The following KLC1 variants were observed in gnomAD, a reference collection of about 807,000 sequenced individuals.
KLC1 encodes kinesin light chain 1, also known as kinesin 2 60/70kDa.
KLC1 carries 30 observed loss-of-function variants against 84.2 expected under a neutral mutation model. The observed-to-expected ratio is 0.36, with a 90% CI of 0.27 to 0.48. The LOEUF (loss-of-function observed/expected upper bound fraction) is 0.48, where lower values mean the gene tolerates loss of function less well. Among genes scored for constraint, KLC1 ranks in the 20% least tolerant of loss-of-function variants. The pLI, the probability that KLC1 is intolerant of heterozygous loss-of-function variation, is 0.99. For synonymous variants in KLC1, 289 were observed against 293.3 expected (o/e 0.99, Z 0.15); for missense variants, 499 against 805.4 (o/e 0.62, Z 4.60).
At chr14:103,684,894 C>T (rs2081654562) in intron 13 of KLC1, 3 of 717,218 alleles carry the variant, frequency 4.2e-6, no homozygotes, top group Non-Finnish European at 7.8e-6. Context: ...ATTTTAGCAT[C>T]CTTTTTCTCA....
intron 6 of KLC1, 66 bp downstream of exon 6, chr14:103,669,664 C>A (rs1043828794): frequency 1.8e-6 from 2 of 1,096,514 alleles, no homozygotes; most frequent in Admixed American, 1.7e-5. Context: ...TTTTATCCAA[C>A]TCATTTTACC....
intron 3 of KLC1, among the ~76,000 whole-genome samples, chr14:103,660,874 C>T (rs1392702436): frequency 1.3e-5 from 2 of 152,120 alleles, no homozygotes; most frequent in Non-Finnish European, 2.9e-5. Flanking sequence ...AAGTACTTTG[C>T]AGATGTCGAT....
At position 103,691,458 on chromosome 14, in the gene KLC1, C is replaced by CTT. The variant is rs71126053; in HGVS notation, c.1782-874_1782-873dup. Among the ~76,000 whole-genome samples the CTT allele has an allele frequency of 6.7e-3, 464 of 68,814 alleles. 66 individuals carry two copies. The highest frequency in any genetic ancestry group is 0.019 in the African/African-American group (292 of 15,434). 45.1% of individuals were successfully genotyped at this position (68,814 alleles called of 152,430 possible). A position where few individuals can be genotyped will look rare whatever the true frequency, so the allele number is the denominator to read the frequency against. ...TACAAGCATGAGCCACCACGCCTGG[C>CTT]TTTTTTTTTTTTTTTTTTTTTTTTT... On this transcript the variant is annotated intron_variant, in intron 14 of 16. Transcript: ENST00000334553.
intron 1 of KLC1, among the ~76,000 whole-genome samples, chr14:103,644,263 T>A: frequency 6.9e-6 from 1 of 144,790 alleles, no homozygotes; most frequent in African/African-American, 2.5e-5. Flanking sequence ...TCTTTCTACG[T>A]GACTTTTTTT....
chr14:103,632,429 C>T (rs1010013851), intron 1 of KLC1, among the ~76,000 whole-genome samples: 8 of 149,804 alleles, frequency 5.3e-5, no homozygotes, highest in African/African-American at 1.7e-4. Context: ...CAAAAAGAGC[C>T]GCTGTCAGCC....
intron 14 of KLC1, among the ~76,000 whole-genome samples, chr14:103,689,107 T>C (rs1434418589): frequency 6.6e-6 from 1 of 152,184 alleles, no homozygotes; most frequent in Non-Finnish European, 1.5e-5. Flanking sequence ...ACACAGCAGC[T>C]CTCAGATCCC....
At chr14:103,645,393 C>G (rs1201075242) in intron 1 of KLC1, among the ~76,000 whole-genome samples, 4 of 152,194 alleles carry the variant, frequency 2.6e-5, no homozygotes, top group Non-Finnish European at 5.9e-5. Context: ...CCCAGGTTCC[C>G]CCTGGTGCTG....
intron 13 of KLC1, among the ~76,000 whole-genome samples, chr14:103,681,625 A>T (rs895839765): frequency 2.0e-5 from 3 of 151,974 alleles, no homozygotes; most frequent in Non-Finnish European, 4.4e-5. Context: ...CACCTGGCTA[A>T]TTTTTTTATT....
At chr14:103,684,323 A>C (rs190810645) in intron 13 of KLC1, among the ~76,000 whole-genome samples, 1 of 152,382 alleles carries the variant, frequency 6.6e-6, no homozygotes, top group South Asian at 2.1e-4. Flanking sequence ...CTGCTCAGGT[A>C]ACCCACCTTT....
intron 13 of KLC1, among the ~76,000 whole-genome samples, chr14:103,681,647 CAG>C (rs2081347941): frequency 6.6e-6 from 1 of 152,112 alleles, no homozygotes; most frequent in South Asian, 2.1e-4. Flanking sequence ...TTAGTAGAGA[CAG>C]GGTTTCACCA....
intron 1 of KLC1, among the ~76,000 whole-genome samples, chr14:103,631,435 A>G (rs1156838205): frequency 2.6e-5 from 4 of 152,152 alleles, no homozygotes; most frequent in Non-Finnish European, 4.4e-5. Flanking sequence ...TCAATGTTGG[A>G]AAAAAGTCAA....
rs1172235349 is a variant in KLC1 at position 103,675,686 on chromosome 14, T to C, written c.1312-3T>C. On this transcript the variant is annotated splice_region_variant and splice_polypyrimidine_tract_variant and intron_variant, in intron 10 of 16. Coordinates refer to ENST00000334553, the MANE Select transcript of KLC1 (RefSeq NM_001394837.1). ...TCATTTGAAATTATTTCTTATAATT[T>C]AGGGAAAGCAAAAGGATGGGACATC... 10 of 1,613,126 alleles carry C rather than the reference T, an allele frequency of 6.2e-6. No individual in the cohort carries two copies. The highest frequency in any genetic ancestry group is 3.3e-5 in the Admixed American group (2 of 59,998).
intron 1 of KLC1, among the ~76,000 whole-genome samples, chr14:103,651,679 A>G (rs1410425256): frequency 6.6e-6 from 1 of 152,114 alleles, no homozygotes; most frequent in Admixed American, 6.6e-5. Flanking sequence ...CTGCTCCTCT[A>G]GCCTTGGTAC....
chr14:103,632,312 G>T (rs941030155), intron 1 of KLC1, among the ~76,000 whole-genome samples: 25 of 152,058 alleles, frequency 1.6e-4, no homozygotes, highest in Non-Finnish European at 2.1e-4. Flanking sequence ...TGTAATTCCA[G>T]CTACTCATGA....
chr14:103,665,355 G>C (rs1246075136), intron 5 of KLC1, among the ~76,000 whole-genome samples: 1 of 151,632 alleles, frequency 6.6e-6, no homozygotes, highest in African/African-American at 2.4e-5. Flanking sequence ...ACCACGCCTG[G>C]CCAGGATGGA....
intron 13 of KLC1, among the ~76,000 whole-genome samples, chr14:103,684,296 A>T (rs1418916185): frequency 6.6e-6 from 1 of 152,248 alleles, no homozygotes; most frequent in African/African-American, 2.4e-5. Flanking sequence ...AACTGTGAAC[A>T]CATTATCCTA....
chr14:103,695,786 C>G (rs1010716107), intron 15 of KLC1: 1 of 985,346 alleles, frequency 1.0e-6, no homozygotes, highest in South Asian at 4.7e-5. Context: ...TGTGGGAGCA[C>G]TGTGTGTTGG....
intron 1 of KLC1, among the ~76,000 whole-genome samples, chr14:103,650,135 A>G (rs1220928576): frequency 6.6e-6 from 1 of 152,096 alleles, no homozygotes; most frequent in Non-Finnish European, 1.5e-5. Context: ...GAATAAAAGC[A>G]TAATAAAAAA....
At chr14:103,642,013 C>G (rs941211874) in intron 1 of KLC1, among the ~76,000 whole-genome samples, 1 of 152,192 alleles carries the variant, frequency 6.6e-6, no homozygotes, top group African/African-American at 2.4e-5. Flanking sequence ...TCACTGCAAC[C>G]TCTGCCTGCT....
Sources: gnomAD v4.1 joint callset for allele counts (sites outside exome capture counted in the v4.1 genomes callset) on GRCh38, gnomAD v4.1.1 for gene constraint, MANE v1.5 for transcripts, NCBI Gene and HGNC (gene_info 2026-07-23, HGNC 2026-07-21) for gene names.